CNGB1: variants seen among roughly 807,000 people sequenced by gnomAD.
The protein encoded by CNGB1 is cyclic nucleotide gated channel subunit beta 1, also known as cyclic nucleotide-gated channel beta-1.
In CNGB1, 126 loss-of-function variants were observed where a neutral mutation model predicts 151.7. The ratio of observed to expected loss-of-function variants is 0.83; its 90% CI spans 0.72 to 0.96. The LOEUF (loss-of-function observed/expected upper bound fraction) is 0.96. Ranked by LOEUF, CNGB1 falls within the 40% of genes least tolerant of loss-of-function variation. The probability of loss-of-function intolerance (pLI) is 0.00; values close to 1 mark genes in which losing one functional copy is unlikely to be tolerated. For missense variants in CNGB1, 1,698 were observed against 1,627.0 expected (o/e 1.04, Z -0.75); for synonymous variants, 623 against 635.1 (o/e 0.98, Z 0.29).
intron 1 of CNGB1, among the ~76,000 whole-genome samples, chr16:57,969,722 A>G (rs372969510): frequency 2.3e-4 from 35 of 152,326 alleles, no homozygotes; most frequent in African/African-American, 7.7e-4. Context: ...TCCTACCTTA[A>G]GTACAGGTTG....
intron 16 of CNGB1, 144 bp downstream of exon 16, chr16:57,939,286 C>T: frequency 8.7e-7 from 1 of 1,152,782 alleles, no homozygotes; most frequent in African/African-American, 1.5e-5. Flanking sequence ...TGGGATTTTC[C>T]TGAAGACAGG....
chr16:57,884,884 C>G (rs1186361181), intron 32 of CNGB1, among the ~76,000 whole-genome samples: 2 of 152,080 alleles, frequency 1.3e-5, no homozygotes, highest in Non-Finnish European at 2.9e-5. Context: ...GAGAAAAACT[C>G]CAAGCAAACA....
rs1960057227 is a variant in CNGB1, at chr16:57,890,471, T to C, written c.3243-2397A>G. Among the ~76,000 whole-genome samples the C allele has an allele frequency of 2.0e-5, 3 of 152,346 alleles. No individual in the cohort carries two copies. The South Asian group carries it at 6.2e-4, about 32-fold the overall frequency. ...CTTTTTCTTTCTAACAAAATAACTA[T>C]GTATAGGACCTTTGCTGATTGCTAC... On this transcript the variant is annotated intron_variant, in intron 31 of 32. Coordinates refer to ENST00000251102, the MANE Select transcript of CNGB1 (RefSeq NM_001297.5).
At chr16:57,955,086 C>T (rs1962051616) in intron 12 of CNGB1, 2 of 1,375,160 alleles carry the variant, frequency 1.5e-6, no homozygotes, top group Non-Finnish European at 1.9e-6. Context: ...GTAAGTCCTG[C>T]TGTCTAGCCT....
chr16:57,901,744 C>A (rs1192126316), intron 27 of CNGB1, 119 bp from the exon 28 acceptor site: 3 of 792,218 alleles, frequency 3.8e-6, no homozygotes, highest in Non-Finnish European at 4.3e-6. Flanking sequence ...CCGCATGGAA[C>A]CACTCTGGAT....
In CNGB1 at chr16:57,887,920, G is replaced by A. The variant is rs369943028; in HGVS notation, c.3397C>T (p.Arg1133Trp). ...GCGGCCAGTTCTTTGAGCCGGGCCC[G>A]GAGGTGAGCAAGTTTGCCGCCTTTT... Reference protein sequence around the residue: ...GAKGGKLAHLRARLKELAALE... With the variant: ...GAKGGKLAHLWARLKELAALE... Residue 1133 changes from arginine (R) to tryptophan (W), a missense_variant, in exon 32 of 33, where the codon CGG (arginine) becomes TGG (tryptophan). By Grantham distance (101) the Arg-to-Trp change is moderately radical. Transcript: ENST00000251102. The A allele has an allele frequency of 7.7e-5, 125 of 1,614,190 alleles. No individual in the cohort carries two copies. Among genetic ancestry groups the A allele is most frequent in the South Asian group, 6.6e-4 (60 of 91,082 alleles).
intron 17 of CNGB1, among the ~76,000 whole-genome samples, chr16:57,927,368 C>T (rs189999558): frequency 3.3e-5 from 5 of 152,326 alleles, no homozygotes; most frequent in Admixed American, 2.6e-4. Context: ...TCAGCCCCAC[C>T]GCCCTCGGCC....
intron 15 of CNGB1, 135 bp downstream of exon 15, chr16:57,940,099 G>T: frequency 1.1e-6 from 1 of 896,960 alleles, no homozygotes; most frequent in Non-Finnish European, 1.8e-6. Flanking sequence ...CGCAGGACCC[G>T]CCACCCTGCT....
rs398123605 is a variant in CNGB1, at chr16:57,915,287, C to T, written c.2266G>A (p.Gly756Ser). The change falls in exon 23 of 33, where the codon GGT becomes AGT. Residue 756 changes from glycine (G) to serine (S), a missense_variant. Physicochemically the swap from Gly to Ser is moderately conservative, Grantham distance 56. Coordinates refer to ENST00000251102, the MANE Select transcript of CNGB1 (RefSeq NM_001297.5). The stretch of plus-strand genomic sequence containing the variant: ...GGCAGGCGGAGGAGGGGGTTCACAC[C>T]GACTTTCAAATAGAGAAAATCCAAG... The part of the protein sequence containing the change: ...LPLDFLYLKV[G>S]VNPLLRLPRC... 5.0e-5 allele frequency: 81 copies of T among 1,613,846 alleles called. No homozygotes were observed. The highest frequency in any genetic ancestry group is 4.7e-4 in the Admixed American group (28 of 59,986).
chr16:57,910,873 G>A (rs193228451), intron 25 of CNGB1, among the ~76,000 whole-genome samples: 17 of 152,190 alleles, frequency 1.1e-4, no homozygotes, highest in Admixed American at 2.0e-4. Context: ...CATGTCATCA[G>A]GAACCCCTGA....
rs376464583 is a variant in CNGB1, at chr16:57,917,499, C to T, written c.1958-23G>A. On this transcript the variant is annotated intron_variant, in intron 20 of 32. Coordinates refer to ENST00000251102, the MANE Select transcript of CNGB1 (RefSeq NM_001297.5). ...GGTCTGTGGGGAAGGTTGACGGGGA[C>T]GCTAGAGCATCAGCCAGGCAAGGCT... is the stretch of plus-strand genomic sequence containing the variant. 9.6e-5 allele frequency: 154 copies of T among 1,611,292 alleles called. 2 individuals carry two copies. Among genetic ancestry groups the T allele is most frequent in the African/African-American group, 7.9e-4 (59 of 74,914 alleles).
intron 12 of CNGB1, among the ~76,000 whole-genome samples, chr16:57,956,578 A>G (rs165998): frequency 0.46 from 69,981 of 152,002 alleles, 18,509 homozygotes; most frequent in Non-Finnish European, 0.59. Context: ...CAGAGCTCAG[A>G]GCCCTGGGAC....
chr16:57,922,936 C>G (rs1168079593), intron 18 of CNGB1, among the ~76,000 whole-genome samples: 2 of 152,046 alleles, frequency 1.3e-5, no homozygotes. Flanking sequence ...CTCCCTGTCC[C>G]CACTGACCTT....
intron 7 of CNGB1, 53 bp from the exon 8 acceptor site, chr16:57,960,968 C>G: frequency 6.4e-7 from 1 of 1,557,498 alleles, no homozygotes; most frequent in Non-Finnish European, 8.8e-7. Context: ...GGCCAGCGCA[C>G]TAACAGCCCA....
intron 12 of CNGB1, chr16:57,955,189 G>C: frequency 6.6e-7 from 1 of 1,520,256 alleles, no homozygotes; most frequent in East Asian, 2.5e-5. Flanking sequence ...CCCTTGTCCT[G>C]CCTGGGAGTG....
intron 25 of CNGB1, among the ~76,000 whole-genome samples, chr16:57,907,088 C>T (rs182578487): frequency 8.5e-5 from 13 of 152,300 alleles, no homozygotes; most frequent in East Asian, 1.9e-4. Context: ...CCCTGCAGGA[C>T]GACATTTGGG....
intron 4 of CNGB1, chr16:57,963,842 T>TAATG (rs1402260199): frequency 7.9e-6 from 4 of 507,144 alleles, no homozygotes; most frequent in African/African-American, 7.6e-5. Flanking sequence ...ATTAACAGTC[T>TAATG]AATGAATGAA....
chr16:57,967,486 G>T (rs1229495018), intron 1 of CNGB1, 192 bp from the exon 2 acceptor site: 1 of 592,154 alleles, frequency 1.7e-6, no homozygotes, highest in Non-Finnish European at 3.0e-6. Context: ...TTGAATCCAG[G>T]AGTTTGAGAT....
At chr16:57,913,045 C>G in intron 23 of CNGB1, 51 bp from the exon 24 acceptor site, 1 of 1,584,910 alleles carries the variant, frequency 6.3e-7, no homozygotes, top group African/African-American at 1.3e-5. Context: ...AGGTAGCATG[C>G]TGCTCCCACG....
Sources: allele counts gnomAD v4.1 joint callset (sites outside exome capture counted in the v4.1 genomes callset), GRCh38; gene constraint gnomAD v4.1.1; transcripts MANE v1.5; gene names NCBI Gene and HGNC (gene_info 2026-07-23, HGNC 2026-07-21).